DLGAP2: variants seen among roughly 807,000 people sequenced by gnomAD.
DLGAP2 encodes DLG associated protein 2.
In DLGAP2, 26 loss-of-function variants were observed where a neutral mutation model predicts 100.3. The ratio of observed to expected loss-of-function variants is 0.26; its 90% CI spans 0.19 to 0.36. DLGAP2 has a LOEUF of 0.36. DLGAP2 is among the 10% of genes least tolerant of loss of function. DLGAP2 has a pLI of 1.00. For missense variants in DLGAP2, 1,858 were observed against 1,453.2 expected, an observed-to-expected ratio of 1.28 and a Z score of -4.53; for synonymous variants, 886 against 630.1, an observed-to-expected ratio of 1.41 and a Z score of -6.08.
intron 2 of DLGAP2, among the ~76,000 whole-genome samples, chr8:1,112,234 C>A (rs891082981): frequency 8.3e-6 from 1 of 120,422 alleles, no homozygotes; most frequent in Non-Finnish European, 1.7e-5. Context: ...ATGTCCTTTG[C>A]CCATTTTTTT....
intron 3 of DLGAP2, among the ~76,000 whole-genome samples, chr8:1,359,073 C>A (rs1416467809): frequency 1.3e-5 from 2 of 152,180 alleles, no homozygotes; most frequent in African/African-American, 4.8e-5. Context: ...CACGATTCTG[C>A]ATTTCTAGCA....
At chr8:1,487,187 A>C (rs1335144023) in intron 3 of DLGAP2, among the ~76,000 whole-genome samples, 2 of 152,230 alleles carry the variant, frequency 1.3e-5, no homozygotes, top group African/African-American at 4.8e-5. Context: ...CTTAGGCATG[A>C]TTGGTCCGTG....
chr8:1,512,922 C>A (rs888170218), intron 4 of DLGAP2, among the ~76,000 whole-genome samples: 1 of 152,272 alleles, frequency 6.6e-6, no homozygotes. Context: ...TCTGTGTGTG[C>A]ACGTTGGTGT....
chr8:792,576 C>G (rs546785803), intron 1 of DLGAP2, among the ~76,000 whole-genome samples: 3 of 152,210 alleles, frequency 2.0e-5, no homozygotes, highest in South Asian at 4.1e-4. Flanking sequence ...TTTACAGGAA[C>G]GTGAAGTAGA....
rs751879589 is a variant in DLGAP2, at chr8:1,548,720, C to T, written c.267C>T (p.Thr89=). The change falls in exon 5 of 15, where the codon ACC becomes ACT. Residue 89 remains threonine, a synonymous_variant. Transcript: ENST00000637795. ...RSMKGLSGSR[T]QPPLCSGHTC... is the part of the protein sequence containing the mutation. Reference sequence around the variant, plus strand: ...TGAAGGGCCTTTCCGGAAGTCGGACCCAGCCGCCGCTGTGTTCCGGGCACA... The same window carrying T: ...TGAAGGGCCTTTCCGGAAGTCGGACTCAGCCGCCGCTGTGTTCCGGGCACA... 2 of 1,606,894 alleles carry T rather than the reference C, an allele frequency of 1.2e-6. No individual in the cohort carries two copies. The highest frequency in any genetic ancestry group is 1.1e-5 in the South Asian group (1 of 90,008).
intron 1 of DLGAP2, among the ~76,000 whole-genome samples, chr8:901,743 C>A (rs1202316403): frequency 6.6e-6 from 1 of 152,202 alleles, no homozygotes; most frequent in East Asian, 1.9e-4. Context: ...CCCCATTGCC[C>A]CATTGCTGTG....
chr8:785,237 A>G (rs1478686626), intron 1 of DLGAP2, among the ~76,000 whole-genome samples: 1 of 148,238 alleles, frequency 6.7e-6, no homozygotes, highest in Non-Finnish European at 1.5e-5. Flanking sequence ...AAAAAAAAAA[A>G]AAAAAAAAAA....
At chr8:1,452,945 T>G (rs1348345145) in intron 3 of DLGAP2, among the ~76,000 whole-genome samples, 1 of 152,010 alleles carries the variant, frequency 6.6e-6, no homozygotes, top group African/African-American at 2.4e-5. Context: ...ATCATGGGGG[T>G]TTGATACTTG....
intron 8 of DLGAP2, among the ~76,000 whole-genome samples, chr8:1,645,367 G>A (rs1798017022): frequency 6.6e-6 from 1 of 152,240 alleles, no homozygotes; most frequent in African/African-American, 2.4e-5. Context: ...GTGAGACGAT[G>A]TTGGCCAACT....
intron 3 of DLGAP2, among the ~76,000 whole-genome samples, chr8:1,364,599 C>G (rs111755508): frequency 6.6e-6 from 1 of 152,216 alleles, no homozygotes; most frequent in Non-Finnish European, 1.5e-5. Context: ...CAGCAGGGGC[C>G]GGCGTGCCGC....
At chr8:1,470,775 A>ACCCCCCCAGG (rs1563168449) in intron 3 of DLGAP2, among the ~76,000 whole-genome samples, 3 of 76,012 alleles carry the variant, frequency 3.9e-5, no homozygotes, top group South Asian at 4.2e-4. Flanking sequence ...GCCTTTCCCG[A>ACCCCCCCAGG]CTCCCCCAGC....
chr8:1,155,216 C>T (rs1189356004), intron 2 of DLGAP2, among the ~76,000 whole-genome samples: 1 of 152,228 alleles, frequency 6.6e-6, no homozygotes, highest in Non-Finnish European at 1.5e-5. Context: ...GGAACGCTTG[C>T]TGGATGAGTG....
rs1480658567 is a variant in DLGAP2, at chr8:1,373,347, C to T, written c.106+114464C>T. ...GCGGGCCCTTCCGGAGGCGCCGCGC[C>T]TGGACCGTGGCCGCAGGTTGGGCAG... On this transcript the variant is annotated intron_variant, in intron 3 of 14. Transcript: ENST00000637795. 2.6e-5 allele frequency among the ~76,000 whole-genome samples: 4 copies of T among 151,888 alleles called. No individual in the cohort carries two copies. In the East Asian group the frequency reaches 5.8e-4, roughly 22 times the overall value.
At chr8:781,484 G>A (rs761065475) in intron 1 of DLGAP2, among the ~76,000 whole-genome samples, 1 of 151,868 alleles carries the variant, frequency 6.6e-6, no homozygotes, top group Non-Finnish European at 1.5e-5. Flanking sequence ...AAAGCATTTT[G>A]AGACTTGCTA....
intron 6 of DLGAP2, among the ~76,000 whole-genome samples, chr8:1,616,962 C>T (rs139259090): frequency 3.3e-5 from 5 of 152,296 alleles, no homozygotes; most frequent in Non-Finnish European, 5.9e-5. Flanking sequence ...TTAGCTCCCA[C>T]TTATAAGGGA....
intron 12 of DLGAP2, among the ~76,000 whole-genome samples, chr8:1,688,809 G>A (rs1030846683): frequency 6.6e-6 from 1 of 152,162 alleles, no homozygotes; most frequent in Non-Finnish European, 1.5e-5. Flanking sequence ...AATGAGGGAG[G>A]CACCGCACAC....
intron 3 of DLGAP2, chr8:1,373,539 A>G (rs114402235): frequency 0.077 from 11,742 of 152,232 alleles, 646 homozygotes; most frequent in East Asian, 0.28. Flanking sequence ...TGTTCTCTTC[A>G]CCAGAGAATG....
chr8:1,127,977 A>G (rs1049189161), intron 2 of DLGAP2, among the ~76,000 whole-genome samples: 1 of 152,228 alleles, frequency 6.6e-6, no homozygotes, highest in African/African-American at 2.4e-5. Context: ...CCCAATTTAA[A>G]TGTAAAACAA....
intron 3 of DLGAP2, among the ~76,000 whole-genome samples, chr8:1,488,195 T>C (rs1476865950): frequency 6.6e-6 from 1 of 152,034 alleles, no homozygotes; most frequent in Non-Finnish European, 1.5e-5. Flanking sequence ...CACACTGTCC[T>C]CCACACAGTC....
Sources: gnomAD v4.1 joint callset for allele counts (sites outside exome capture counted in the v4.1 genomes callset) on GRCh38, gnomAD v4.1.1 for gene constraint, MANE v1.5 for transcripts, NCBI Gene and HGNC (gene_info 2026-07-23, HGNC 2026-07-21) for gene names.